The following THSD7B variants were observed in gnomAD, a reference collection of about 807,000 sequenced individuals.
THSD7B encodes the protein thrombospondin type 1 domain containing 7B, also known as thrombospondin type-1 domain-containing protein 7B.
Under a neutral mutation model 213.6 loss-of-function variants are expected in THSD7B, and 138 were observed. That is an observed-to-expected ratio of 0.65 (90% CI 0.56 to 0.74). The LOEUF is 0.74. THSD7B is among the 30% of genes least tolerant of loss of function. The probability of loss-of-function intolerance (pLI) is 0.00; values close to 1 mark genes in which losing one functional copy is unlikely to be tolerated. For missense variants in THSD7B, 1,931 were observed against 1,991.5 expected (o/e 0.97, Z 0.58); for synonymous variants, 742 against 687.0 (o/e 1.08, Z -1.25).
At chr2:137,023,794 T>C (rs1686491503) in intron 2 of THSD7B, among the ~76,000 whole-genome samples, 1 of 152,138 alleles carries the variant, frequency 6.6e-6, no homozygotes. Context: ...CAGTTTGTAG[T>C]TGGAGGAATT....
Position 137,275,974 on chromosome 2 carries a change from G to T in THSD7B, c.2448G>T (p.Trp816Cys), listed in dbSNP as rs1486862847. The T allele has an allele frequency of 1.2e-6, 2 of 1,612,208 alleles. No individual in the cohort carries two copies. Among genetic ancestry groups the T allele is most frequent in the Non-Finnish European group, 1.7e-6 (2 of 1,178,928 alleles). Reference protein sequence around the residue: ...SPCILVPESVWQGITGSSEAC... With the variant: ...SPCILVPESVCQGITGSSEAC... ...GCATCTTAGTGCCAGAGTCTGTCTG[G>T]CAGGGAATAACGGGCAGCAGTGAAG... Residue 816 changes from tryptophan to cysteine, a missense_variant, in exon 12 of 28, where the codon TGG becomes TGT. Trp to Cys is a radical substitution (Grantham distance 215). Transcript: ENST00000409968.
chr2:137,284,344 A>T (rs1288680747), intron 12 of THSD7B, among the ~76,000 whole-genome samples: 2 of 152,150 alleles, frequency 1.3e-5, no homozygotes, highest in African/African-American at 4.8e-5. Context: ...TCTTTTCAAA[A>T]ATCCAGCTCC....
chr2:137,117,320 G>A (rs900940158), intron 5 of THSD7B, among the ~76,000 whole-genome samples: 4 of 152,218 alleles, frequency 2.6e-5, no homozygotes, highest in Non-Finnish European at 4.4e-5. Context: ...AAACACAGAG[G>A]AACAATTGAA....
rs1686499331 is a variant in THSD7B, at chr2:137,405,662, C to T, written c.2550C>T (p.Cys850=). The change falls in exon 13 of 28, where the codon TGC becomes TGT. Residue 850 remains cysteine, a synonymous_variant. Coordinates refer to ENST00000409968, the MANE Select transcript of THSD7B (RefSeq NM_001316349.2). The part of the protein sequence containing the change: ...DDNRSAEMME[C]LKQTNGMPLL... ...ACCGGTCAGCAGAAATGATGGAATG[C>T]CTCAAGCAGACAAACGGCATGCCTC... 6.2e-7 allele frequency: 1 copy of T among 1,612,590 alleles called. No individual in the cohort carries two copies. The highest frequency in any genetic ancestry group is 1.7e-5 in the Admixed American group (1 of 59,844).
At chr2:137,353,792 T>G (rs1215094857) in intron 12 of THSD7B, among the ~76,000 whole-genome samples, 1 of 152,146 alleles carries the variant, frequency 6.6e-6, no homozygotes, top group Admixed American at 6.6e-5. Flanking sequence ...TTCTTACCTT[T>G]CAGAATGTCA....
At chr2:137,254,466 G>C (rs1682258249) in intron 10 of THSD7B, among the ~76,000 whole-genome samples, 1 of 152,154 alleles carries the variant, frequency 6.6e-6, no homozygotes, top group Admixed American at 6.5e-5. Flanking sequence ...CAATGCTTTT[G>C]AGTGGATGTT....
At chr2:137,340,286 G>A (rs747064196) in intron 12 of THSD7B, among the ~76,000 whole-genome samples, 12 of 151,640 alleles carry the variant, frequency 7.9e-5, no homozygotes, top group Admixed American at 4.6e-4. Context: ...AGGTATAAAG[G>A]ATGTAAAGGT....
At chr2:136,928,954 G>GTATTAGTTACTAGAGAAACTCT (rs1684587357) in intron 2 of THSD7B, among the ~76,000 whole-genome samples, 1 of 151,922 alleles carries the variant, frequency 6.6e-6, no homozygotes, top group South Asian at 2.1e-4. Context: ...AATATTACCA[G>GTATTAGTTACTAGAGAAACTCT]AGTATTAGTT....
chr2:137,594,023 T>A (rs991474055), intron 17 of THSD7B, among the ~76,000 whole-genome samples: 3 of 151,982 alleles, frequency 2.0e-5, no homozygotes, highest in African/African-American at 7.2e-5. Flanking sequence ...AGTGATTTAT[T>A]AAGGAAGTGT....
At chr2:137,089,113 A>ACTAC in intron 3 of THSD7B, among the ~76,000 whole-genome samples, 1 of 152,154 alleles carries the variant, frequency 6.6e-6, no homozygotes, top group East Asian at 1.9e-4. Context: ...CAGCAATCCT[A>ACTAC]CTACCCAGAG....
chr2:137,540,195 A>G lies in THSD7B; in HGVS notation c.3139-23026A>G, dbSNP rs564047412. ...CATGAATGAGCATGGCTGTGACTCA[A>G]TAAAACTTGATTTAGAGAAGTAGGC... is the stretch of plus-strand genomic sequence containing the variant. On this transcript the variant is annotated intron_variant, in intron 15 of 27. Transcript: ENST00000409968. Among the ~76,000 whole-genome samples the G allele has an allele frequency of 3.3e-5, 5 of 151,810 alleles. No homozygotes were observed. In the East Asian group the frequency reaches 7.8e-4, roughly 24 times the overall value.
intron 2 of THSD7B, among the ~76,000 whole-genome samples, chr2:136,978,781 T>A (rs1685529109): frequency 6.6e-6 from 1 of 152,164 alleles, no homozygotes; most frequent in African/African-American, 2.4e-5. Context: ...TTTAGCTCAC[T>A]TACTTTTAAG....
chr2:136,904,898 A>C (rs983472577), intron 2 of THSD7B, among the ~76,000 whole-genome samples: 6 of 152,242 alleles, frequency 3.9e-5, no homozygotes, highest in Non-Finnish European at 7.3e-5. Context: ...TGAGAACTTT[A>C]GTGTCCTTTA....
chr2:137,425,412 T>A (rs1364455943), intron 14 of THSD7B, among the ~76,000 whole-genome samples: 1 of 152,062 alleles, frequency 6.6e-6, no homozygotes, highest in Non-Finnish European at 1.5e-5. Flanking sequence ...AGGTGGGGTT[T>A]CACCATGTTG....
chr2:136,799,784 A>G (rs1297381094), intron 1 of THSD7B, among the ~76,000 whole-genome samples: 1 of 151,980 alleles, frequency 6.6e-6, no homozygotes, highest in East Asian at 1.9e-4. Flanking sequence ...CATGAATTCT[A>G]TAACCTCATA....
chr2:137,206,693 G>T (rs937677726), intron 7 of THSD7B, among the ~76,000 whole-genome samples: 1 of 152,054 alleles, frequency 6.6e-6, no homozygotes, highest in African/African-American at 2.4e-5. Context: ...TTAGGGACAG[G>T]TAGAAGAGGC....
chr2:137,388,481 T>C (rs1685945017), intron 12 of THSD7B, among the ~76,000 whole-genome samples: 1 of 152,160 alleles, frequency 6.6e-6, no homozygotes, highest in African/African-American at 2.4e-5. Context: ...TCAGGGTATA[T>C]ATCACTTCAA....
intron 12 of THSD7B, among the ~76,000 whole-genome samples, chr2:137,288,299 A>G (rs1683231562): frequency 6.6e-6 from 1 of 152,152 alleles, no homozygotes. Context: ...ATGTCATGAA[A>G]AATTTACATG....
In THSD7B at chr2:137,057,137, C is replaced by A. The variant is rs1402206231; in HGVS notation, c.857C>A (p.Ala286Glu). Residue 286 changes from alanine (A) to glutamate (E), a missense_variant, in exon 3 of 28, where the codon GCA becomes GAA. Transcript: ENST00000409968. Reference sequence around the variant, plus strand: ...ACCTTTAAACATCAAAGTTACAAAGCACATCATCATTCGAAGTCTTGGGCA... The same window carrying A: ...ACCTTTAAACATCAAAGTTACAAAGAACATCATCATTCGAAGTCTTGGGCA... ...RVTFKHQSYK[A>E]HHHSKSWAIE... is the part of the protein sequence containing the mutation. 6.2e-7 allele frequency: 1 copy of A among 1,613,800 alleles called. No individual in the cohort carries two copies. The highest frequency in any genetic ancestry group is 8.5e-7 in the Non-Finnish European group (1 of 1,179,882).
Sources: gnomAD v4.1 joint callset for allele counts (sites outside exome capture counted in the v4.1 genomes callset) on GRCh38, gnomAD v4.1.1 for gene constraint, MANE v1.5 for transcripts, NCBI Gene and HGNC (gene_info 2026-07-23, HGNC 2026-07-21) for gene names.